The following DGKB variants were observed in gnomAD, a reference collection of about 807,000 sequenced individuals.
DGKB encodes the protein diacylglycerol kinase beta, also known as 90 kDa diacylglycerol kinase.
A neutral mutation model predicts 114.3 loss-of-function variants in DGKB; 67 were observed. The observed-to-expected ratio is 0.59, with a 90% CI of 0.48 to 0.72. The LOEUF (loss-of-function observed/expected upper bound fraction) is 0.72. DGKB is among the 30% of genes least tolerant of loss of function. The probability of loss-of-function intolerance (pLI) is 0.00; values close to 1 mark genes in which losing one functional copy is unlikely to be tolerated. For missense variants in DGKB, 907 were observed against 975.2 expected (o/e 0.93, Z 0.93); for synonymous variants, 398 against 323.1 (o/e 1.23, Z -2.49).
chr7:14,962,085 A>G (rs55680458), intron 1 of DGKB, among the ~76,000 whole-genome samples: 1 of 152,302 alleles, frequency 6.6e-6, no homozygotes, highest in African/African-American at 2.4e-5. Flanking sequence ...AAACTTTAAA[A>G]AAATTGTAAC....
At chr7:14,490,003 G>T (rs945619387) in intron 20 of DGKB, among the ~76,000 whole-genome samples, 4 of 152,198 alleles carry the variant, frequency 2.6e-5, no homozygotes, top group African/African-American at 7.2e-5. Flanking sequence ...TGAAAGTAAG[G>T]TTCTCTATAA....
intron 21 of DGKB, among the ~76,000 whole-genome samples, chr7:14,450,131 A>G (rs562214987): frequency 6.6e-6 from 1 of 152,256 alleles, no homozygotes; most frequent in South Asian, 2.1e-4. Context: ...TATGCAAAAT[A>G]GATGAAACCA....
chr7:14,717,473 T>C (rs1828394334), intron 6 of DGKB, among the ~76,000 whole-genome samples: 2 of 152,222 alleles, frequency 1.3e-5, no homozygotes, highest in African/African-American at 2.4e-5. Flanking sequence ...AATGCAAATA[T>C]TGAACATTTA....
intron 1 of DGKB, among the ~76,000 whole-genome samples, chr7:14,915,294 C>G (rs2045039233): frequency 6.6e-6 from 1 of 152,172 alleles, no homozygotes; most frequent in Non-Finnish European, 1.5e-5. Flanking sequence ...GGGAGAATCA[C>G]TTGAGCCCAG....
At chr7:14,619,570 G>A (rs1223584234) in intron 15 of DGKB, among the ~76,000 whole-genome samples, 2 of 151,554 alleles carry the variant, frequency 1.3e-5, no homozygotes, top group Non-Finnish European at 3.0e-5. Flanking sequence ...AAAGCCTGCA[G>A]CAATATAAAA....
chr7:14,237,702 C>A (rs1793015530), intron 23 of DGKB, among the ~76,000 whole-genome samples: 1 of 151,784 alleles, frequency 6.6e-6, no homozygotes, highest in South Asian at 2.1e-4. Flanking sequence ...ATATGATTAC[C>A]TAAGATATGC....
At chr7:14,747,775 G>GCGCGCGCGCGCGCGCGCGCACACA in intron 4 of DGKB, among the ~76,000 whole-genome samples, 29 of 149,276 alleles carry the variant, frequency 1.9e-4, no homozygotes, top group African/African-American at 6.8e-4. Flanking sequence ...ACATCCACGC[G>GCGCGCGCGCGCGCGCGCGCACACA]CACGCACACA....
At chr7:14,216,763 G>A (rs908079525) in intron 23 of DGKB, among the ~76,000 whole-genome samples, 16 of 146,144 alleles carry the variant, frequency 1.1e-4, no homozygotes, top group Admixed American at 9.7e-4. Flanking sequence ...CATATAGCAA[G>A]TTCCCTCTTT....
rs1447760337 is a variant in DGKB, at chr7:14,317,581, A to C, written c.2122+20934T>G. On this transcript the variant is annotated intron_variant, in intron 23 of 25. Coordinates refer to ENST00000402815, the MANE Select transcript of DGKB (RefSeq NM_001350709.2). Reference sequence around the variant, plus strand: ...GACCTAGGAATCCAACTTACAAGGGATGTGAAGGACCTCTTCAAGGACAAC... The same window carrying C: ...GACCTAGGAATCCAACTTACAAGGGCTGTGAAGGACCTCTTCAAGGACAAC... 6.7e-5 allele frequency among the ~76,000 whole-genome samples: 10 copies of C among 149,884 alleles called. No homozygotes were observed. The East Asian group carries it at 2.0e-3, about 30-fold the overall frequency.
intron 1 of DGKB, among the ~76,000 whole-genome samples, chr7:14,852,813 T>C (rs1016014715): frequency 2.0e-4 from 31 of 152,276 alleles, no homozygotes; most frequent in African/African-American, 7.2e-4. Flanking sequence ...TGCAAATTGA[T>C]AAATTTATCT....
At chr7:14,709,838 G>C (rs1434221613) in intron 6 of DGKB, among the ~76,000 whole-genome samples, 1 of 147,412 alleles carries the variant, frequency 6.8e-6, no homozygotes, top group African/African-American at 2.5e-5. Flanking sequence ...AGGGGAGAGG[G>C]ATAGCATTGG....
intron 1 of DGKB, among the ~76,000 whole-genome samples, chr7:14,856,486 A>T (rs1850169195): frequency 6.6e-6 from 1 of 152,138 alleles, no homozygotes; most frequent in Non-Finnish European, 1.5e-5. Context: ...AAATATATAT[A>T]GTATCCACAC....
At chr7:14,747,779 G>GCGCGCGCGCACACACACACA (rs1554636463) in intron 4 of DGKB, among the ~76,000 whole-genome samples, 8 of 148,502 alleles carry the variant, frequency 5.4e-5, no homozygotes, top group Non-Finnish European at 1.0e-4. Flanking sequence ...CCACGCGCAC[G>GCGCGCGCGCACACACACACA]CACACACACA....
intron 21 of DGKB, among the ~76,000 whole-genome samples, chr7:14,454,251 A>T (rs1831952346): frequency 6.6e-6 from 1 of 152,034 alleles, no homozygotes. Flanking sequence ...CCATCTATCT[A>T]AGTATATTTT....
At chr7:14,335,373 A>G (rs1810458254) in intron 23 of DGKB, among the ~76,000 whole-genome samples, 1 of 152,190 alleles carries the variant, frequency 6.6e-6, no homozygotes, top group African/African-American at 2.4e-5. Flanking sequence ...GAATTTAGTT[A>G]CATGTGTCCC....
intron 21 of DGKB, among the ~76,000 whole-genome samples, chr7:14,453,525 T>G (rs1313552505): frequency 6.6e-6 from 1 of 152,124 alleles, no homozygotes; most frequent in Non-Finnish European, 1.5e-5. Flanking sequence ...ATAAGTCTCC[T>G]TAAGTTCCCC....
At chr7:14,918,353 A>G (rs1464909660) in intron 1 of DGKB, among the ~76,000 whole-genome samples, 1 of 152,184 alleles carries the variant, frequency 6.6e-6, no homozygotes, top group African/African-American at 2.4e-5. Context: ...AAGAACAACA[A>G]AAATGAAACA....
intron 1 of DGKB, among the ~76,000 whole-genome samples, chr7:14,884,617 C>G (rs1004794833): frequency 6.6e-6 from 1 of 151,946 alleles, no homozygotes; most frequent in Non-Finnish European, 1.5e-5. Flanking sequence ...CAAATCCTGA[C>G]AAAAACATCC....
chr7:14,503,141 C>CA (rs1180918374), intron 20 of DGKB, among the ~76,000 whole-genome samples: 1 of 152,044 alleles, frequency 6.6e-6, no homozygotes. Flanking sequence ...CTCAATTGCT[C>CA]AAAAAATATG....
Sources: gnomAD v4.1 joint callset for allele counts (sites outside exome capture counted in the v4.1 genomes callset) on GRCh38, gnomAD v4.1.1 for gene constraint, MANE v1.5 for transcripts, NCBI Gene and HGNC (gene_info 2026-07-23, HGNC 2026-07-21) for gene names.